PHLDB2: variants seen among roughly 807,000 people sequenced by gnomAD.
PHLDB2 encodes the protein pleckstrin homology like domain family B member 2.
PHLDB2 carries 71 observed loss-of-function variants against 123.6 expected under a neutral mutation model. That is an observed-to-expected ratio of 0.57 (90% CI 0.47 to 0.70). The LOEUF (loss-of-function observed/expected upper bound fraction) is 0.70, where lower values mean the gene tolerates loss of function less well. Among genes scored for constraint, PHLDB2 ranks in the 30% least tolerant of loss-of-function variants. PHLDB2 has a pLI of 0.00. For synonymous variants in PHLDB2, 547 were observed against 541.6 expected (o/e 1.01, Z -0.14); for missense variants, 1,446 against 1,519.5 (o/e 0.95, Z 0.80).
intron 2 of PHLDB2, among the ~76,000 whole-genome samples, chr3:111,896,712 A>T (rs1235125525): frequency 1.3e-5 from 2 of 151,658 alleles, no homozygotes; most frequent in African/African-American, 4.9e-5. Context: ...GATTATGGGA[A>T]TATTTGCTGT....
intron 1 of PHLDB2, among the ~76,000 whole-genome samples, chr3:111,751,678 G>T (rs1002305251): frequency 1.4e-5 from 2 of 140,608 alleles, no homozygotes; most frequent in Admixed American, 1.4e-4. Context: ...TGCCAAGGAG[G>T]TAAAGAGATT....
chr3:111,773,638 T>C (rs1384350599), intron 1 of PHLDB2, among the ~76,000 whole-genome samples: 24 of 152,222 alleles, frequency 1.6e-4, no homozygotes, highest in Non-Finnish European at 2.9e-5. Flanking sequence ...TCTGCCTTGA[T>C]ATATCCCTTG....
intron 2 of PHLDB2, among the ~76,000 whole-genome samples, chr3:111,888,185 T>C (rs2107352286): frequency 6.6e-6 from 1 of 152,144 alleles, no homozygotes; most frequent in South Asian, 2.1e-4. Flanking sequence ...CGTACAAAAT[T>C]ATCTTAAGGA....
chr3:111,919,592 A>C (rs1357122508), intron 4 of PHLDB2, among the ~76,000 whole-genome samples: 1 of 152,356 alleles, frequency 6.6e-6, no homozygotes, highest in South Asian at 2.1e-4. Flanking sequence ...TATGAGTTGG[A>C]TATCACATTG....
rs77965564 is a variant in PHLDB2, at chr3:111,807,255, C to G, written c.-48-38566C>G. On this transcript the variant is annotated intron_variant, in intron 1 of 17. Coordinates refer to the PHLDB2 transcript ENST00000393923. ...TAAATTAAGTGTACAGAGTACCAAA[C>G]ATAGAGACAGGCAAACATTAGGAAT... Among the ~76,000 whole-genome samples the G allele has an allele frequency of 1.3e-3, 196 of 152,144 alleles. 1 individual carries two copies. The highest frequency in any genetic ancestry group is 4.7e-3 in the African/African-American group (194 of 41,518).
chr3:111,962,770 A>G (rs1256835125), intron 13 of PHLDB2, among the ~76,000 whole-genome samples: 1 of 151,576 alleles, frequency 6.6e-6, no homozygotes, highest in East Asian at 1.9e-4. Flanking sequence ...TCTCTACTAA[A>G]TACAAAAAAT....
chr3:111,931,223 T>G (rs917736411), intron 5 of PHLDB2, among the ~76,000 whole-genome samples: 2 of 152,228 alleles, frequency 1.3e-5, no homozygotes, highest in African/African-American at 4.8e-5. Flanking sequence ...GTCAAAGTGC[T>G]TCATAAAGTG....
chr3:111,811,605 C>A (rs73226317), intron 1 of PHLDB2, among the ~76,000 whole-genome samples: 1 of 152,044 alleles, frequency 6.6e-6, no homozygotes, highest in Non-Finnish European at 1.5e-5. Flanking sequence ...TACTGGCACC[C>A]TATTGATTGT....
chr3:111,883,831 G>A (rs1028107122), intron 1 of PHLDB2: 2 of 458,492 alleles, frequency 4.4e-6, no homozygotes, highest in Non-Finnish European at 7.7e-6. Context: ...TCGCTCAAAT[G>A]TCATTGCTGT....
chr3:111,842,861 T>A lies in PHLDB2; in HGVS notation c.-48-2960T>A, dbSNP rs548433919. 2.6e-5 allele frequency among the ~76,000 whole-genome samples: 4 copies of A among 152,378 alleles called. No homozygotes were observed. The East Asian group carries it at 7.7e-4, about 29-fold the overall frequency. On this transcript the variant is annotated intron_variant, in intron 1 of 17. Transcript: ENST00000393923. ...TTCATATAAATGTAATCATGTAATA[T>A]GTGATCTTTTGTGACTACCTTCTTT...
At chr3:111,957,798 A>C (rs2071148113) in intron 12 of PHLDB2, among the ~76,000 whole-genome samples, 1 of 152,178 alleles carries the variant, frequency 6.6e-6, no homozygotes, top group Non-Finnish European at 1.5e-5. Context: ...GGTGGTAGAG[A>C]TGTAGGATGT....
chr3:111,757,642 A>T (rs1177373650), intron 1 of PHLDB2, among the ~76,000 whole-genome samples: 4 of 152,108 alleles, frequency 2.6e-5, no homozygotes, highest in Non-Finnish European at 5.9e-5. Context: ...GGAGGAGGAG[A>T]GGCACTCTGC....
chr3:111,878,940 T>A (rs1175990496), intron 1 of PHLDB2, among the ~76,000 whole-genome samples: 1 of 152,232 alleles, frequency 6.6e-6, no homozygotes, highest in African/African-American at 2.4e-5. Flanking sequence ...GATGTGCTGC[T>A]GGATTCGGTT....
chr3:111,789,848 C>A (rs746653811), intron 1 of PHLDB2, among the ~76,000 whole-genome samples: 5 of 152,136 alleles, frequency 3.3e-5, no homozygotes, highest in African/African-American at 7.2e-5. Context: ...CTTTAGCCAA[C>A]TGAGCAATAC....
At chr3:111,804,979 G>A (rs1482879460) in intron 1 of PHLDB2, among the ~76,000 whole-genome samples, 1 of 152,160 alleles carries the variant, frequency 6.6e-6, no homozygotes, top group African/African-American at 2.4e-5. Context: ...TAGGTGCTGG[G>A]GAGGATGTGG....
chr3:111,807,202 G>A (rs2061627784), intron 1 of PHLDB2, among the ~76,000 whole-genome samples: 1 of 152,088 alleles, frequency 6.6e-6, no homozygotes, highest in African/African-American at 2.4e-5. Context: ...GGATAATAAT[G>A]TCTAATGCAT....
intron 1 of PHLDB2, among the ~76,000 whole-genome samples, chr3:111,766,057 G>T (rs542456110): frequency 1.0e-3 from 158 of 152,246 alleles, no homozygotes; most frequent in Admixed American, 2.8e-3. Flanking sequence ...CAGCTTTGTT[G>T]TATAGATCAA....
chr3:111,927,608 A>G (rs1215626571), intron 5 of PHLDB2, among the ~76,000 whole-genome samples: 1 of 152,232 alleles, frequency 6.6e-6, no homozygotes, highest in East Asian at 1.9e-4. Flanking sequence ...AACCTCAGGT[A>G]CATTTGCATT....
Position 111,813,775 on chromosome 3 carries a change from C to A in PHLDB2, c.-48-32046C>A, listed in dbSNP as rs946134669. ...AGTGAAGAAGTAATGTATTTGGATG[C>A]ATACAATTCATTGTGTGATATTTAG... On this transcript the variant is annotated intron_variant, in intron 1 of 17. Transcript: ENST00000393923. Among the ~76,000 whole-genome samples the A allele has an allele frequency of 3.9e-5, 6 of 152,174 alleles. No homozygotes were observed. In the East Asian group the frequency reaches 5.8e-4, roughly 15 times the overall value.
Sources: allele counts gnomAD v4.1 joint callset (sites outside exome capture counted in the v4.1 genomes callset), GRCh38; gene constraint gnomAD v4.1.1; transcripts MANE v1.5; gene names NCBI Gene and HGNC (gene_info 2026-07-23, HGNC 2026-07-21).